Variants in CA5A observed in about 807,000 individuals in gnomAD.
The protein encoded by CA5A is carbonic anhydrase 5A, mitochondrial.
A neutral mutation model predicts 37.1 loss-of-function variants in CA5A; 28 were observed. That is an observed-to-expected ratio of 0.75 (90% CI 0.56 to 1.03). The LOEUF is 1.03. CA5A is among the 50% of genes least tolerant of loss of function. The pLI is 0.00. For missense variants in CA5A, 444 were observed against 399.9 expected (o/e 1.11, Z -0.94); for synonymous variants, 171 against 158.4 (o/e 1.08, Z -0.60).
At chr16:87,886,094 A>T (rs1209602336), downstream of CA5A, 1 of 151,988 alleles carries the variant, frequency 6.6e-6, no homozygotes, top group Non-Finnish European at 1.5e-5. Context: ...ACATCATGAA[A>T]GAGAGACAGA....
intron 2 of CA5A, among the ~76,000 whole-genome samples, chr16:87,908,123 T>C (rs1264428271): frequency 6.6e-6 from 1 of 152,196 alleles, no homozygotes; most frequent in South Asian, 2.1e-4. Context: ...GCTCTGTGTG[T>C]TACAGTGGAA....
intron 1 of CA5A, among the ~76,000 whole-genome samples, chr16:87,928,919 C>T (rs1319083347): frequency 3.3e-5 from 5 of 150,604 alleles, no homozygotes; most frequent in Non-Finnish European, 4.4e-5. Context: ...AGGCACGCGC[C>T]GCCACACCTG....
intron 6 of CA5A, among the ~76,000 whole-genome samples, chr16:87,888,611 G>C (rs1455674072): frequency 1.3e-5 from 2 of 152,166 alleles, no homozygotes; most frequent in African/African-American, 4.8e-5. Flanking sequence ...GCCAACCTTG[G>C]AATGAATCCT....
chr16:87,912,869 G>A (rs375634581), intron 2 of CA5A, among the ~76,000 whole-genome samples: 9 of 152,336 alleles, frequency 5.9e-5, no homozygotes, highest in African/African-American at 1.9e-4. Flanking sequence ...CGGAACAGGC[G>A]GAAGCACCAG....
chr16:87,902,661 C>T (rs186806002), intron 3 of CA5A, 141 bp from the exon 4 acceptor site: 10,787 of 603,870 alleles, frequency 0.018, 139 homozygotes, highest in African/African-American at 0.035. Context: ...AATCCCAGCA[C>T]TTTGGGAGGC....
rs1438513362 is a variant in CA5A at position 87,931,482 on chromosome 16, C to T, written c.143-4537G>A. 5.3e-5 allele frequency among the ~76,000 whole-genome samples: 8 copies of T among 152,290 alleles called. 1 individual carries two copies. Among genetic ancestry groups the T allele is most frequent in the Non-Finnish European group, 1.0e-4 (7 of 68,028 alleles). On this transcript the variant is annotated intron_variant, in intron 1 of 6. Transcript: ENST00000649794. Reference sequence around the variant, plus strand: ...ACACATCTGTGGGCCAAAACCCTGGCGGCTCTCCCCACTCACTCTCCGAGT... The same window carrying T: ...ACACATCTGTGGGCCAAAACCCTGGTGGCTCTCCCCACTCACTCTCCGAGT...
chr16:87,888,213 C>T lies in CA5A; in HGVS notation c.834G>A (p.Val278=). The T allele has an allele frequency of 1.9e-6, 3 of 1,613,908 alleles. No homozygotes were observed. The highest frequency in any genetic ancestry group is 1.1e-5 in the South Asian group (1 of 91,062). The part of the protein sequence containing the change: ...SALGEEEKMM[V]NNYRPLQPLM... The stretch of plus-strand genomic sequence containing the variant: ...AGGGTTGAAGTGGGCGATAGTTGTT[C>T]ACCATCATCTTCTCCTCTTCACCAA... The change falls in exon 7 of 7, where the codon GTG becomes GTA. Residue 278 remains valine, a synonymous_variant. Coordinates refer to ENST00000649794, the MANE Select transcript of CA5A (RefSeq NM_001739.2).
intron 6 of CA5A, 105 bp downstream of exon 6, chr16:87,891,694 T>C (rs537625437): frequency 1.2e-4 from 123 of 1,022,888 alleles, no homozygotes; most frequent in Non-Finnish European, 1.6e-4. Flanking sequence ...CATGAAAGAA[T>C]ATATATAACT....
At chr16:87,927,047 G>A (rs1288761012) in intron 1 of CA5A, 102 bp from the exon 2 acceptor site, 2 of 823,762 alleles carry the variant, frequency 2.4e-6, no homozygotes, top group Non-Finnish European at 3.8e-6. Context: ...CTCACGTCCT[G>A]GCTCATGGGA....
chr16:87,928,826 T>A (rs2056355356), intron 1 of CA5A, among the ~76,000 whole-genome samples: 1 of 137,596 alleles, frequency 7.3e-6, no homozygotes, highest in African/African-American at 2.7e-5. Flanking sequence ...TGCAGTGCAG[T>A]GGTGCCATCT....
intron 6 of CA5A, among the ~76,000 whole-genome samples, chr16:87,890,524 C>T (rs1185839943): frequency 6.6e-6 from 1 of 152,208 alleles, no homozygotes; most frequent in African/African-American, 2.4e-5. Flanking sequence ...GCATAGGCAG[C>T]ACGTCTGTGG....
rs374372936 is a variant in CA5A, at chr16:87,925,973, A to G, written c.340+775T>C. Among the ~76,000 whole-genome samples, 14 of 152,220 alleles carry G rather than the reference A, an allele frequency of 9.2e-5. No homozygotes were observed. In the East Asian group the frequency reaches 1.2e-3, roughly 13 times the overall value. On this transcript the variant is annotated intron_variant, in intron 2 of 6. Coordinates refer to ENST00000649794, the MANE Select transcript of CA5A (RefSeq NM_001739.2). The stretch of plus-strand genomic sequence containing the variant: ...CGCGGTGGCTCACGCCTGTAACCCC[A>G]GCACTTTGGGAGGCCAAGGTGGGCA...
In CA5A at chr16:87,902,488, G is replaced by T. The variant is rs1332970716; in HGVS notation, c.492C>A (p.Tyr164Ter). 1 of 1,609,054 alleles carries T rather than the reference G, an allele frequency of 6.2e-7. No homozygotes were observed. The highest frequency in any genetic ancestry group is 8.5e-7 in the Non-Finnish European group (1 of 1,175,430). Residue 164 changes from tyrosine to a stop codon, truncating the protein, a stop_gained, in exon 4 of 7, where the codon TAC becomes TAA. Coordinates refer to ENST00000649794, the MANE Select transcript of CA5A (RefSeq NM_001739.2). LOFTEE classifies it high-confidence loss of function. ...LHLVHWNSVK[Y>*]QNYKEAVVGE... ...CCACGACAGCTTCCTTGTAATTTTG[G>T]TATTTCACAGAATTCCAGTGAACTA...
chr16:87,890,683 T>C (rs995510714), intron 6 of CA5A, among the ~76,000 whole-genome samples: 1 of 152,216 alleles, frequency 6.6e-6, no homozygotes, highest in African/African-American at 2.4e-5. Flanking sequence ...TGGTGCCATC[T>C]CAGCTCACTG....
In CA5A at chr16:87,930,090, C is replaced by G. The variant is rs78648906; in HGVS notation, c.143-3145G>C. Among the ~76,000 whole-genome samples the G allele has an allele frequency of 3.0e-3, 450 of 152,186 alleles. 5 individuals carry two copies. The highest frequency in any genetic ancestry group is 0.01 in the African/African-American group (429 of 41,496). ...ATTTTAATTTTCTCTCTTGGTTTTT[C>G]TCTCCCCCATCAACGTGCATGGTAA... is the stretch of plus-strand genomic sequence containing the variant. On this transcript the variant is annotated intron_variant, in intron 1 of 6. Coordinates refer to ENST00000649794, the MANE Select transcript of CA5A (RefSeq NM_001739.2).
rs59358304 is a variant in CA5A, at chr16:87,915,526, A to ATTTT, written c.341-10626_341-10623dup. Among the ~76,000 whole-genome samples the ATTTT allele has an allele frequency of 2.2e-3, 159 of 73,014 alleles. 10 individuals carry two copies. Among genetic ancestry groups the ATTTT allele is most frequent in the South Asian group, 3.6e-3 (5 of 1,400 alleles). The allele number at this position is 73,014 out of a possible 152,430, so 47.9% of individuals were successfully genotyped here. A position where few individuals can be genotyped will look rare whatever the true frequency, so the allele number is the denominator to read the frequency against. On this transcript the variant is annotated intron_variant, in intron 2 of 6. Coordinates refer to ENST00000649794, the MANE Select transcript of CA5A (RefSeq NM_001739.2). The stretch of plus-strand genomic sequence containing the variant: ...CAACAGTACCAGATCCTGTGTCAAA[A>ATTTT]TTTTTTTTTTTTTTTTTTTTTTTTT...
At chr16:87,929,780 C>G (rs113629476) in intron 1 of CA5A, among the ~76,000 whole-genome samples, 1,795 of 136,386 alleles carry the variant, frequency 0.013, 41 homozygotes, top group Admixed American at 0.074. Flanking sequence ...GCTGAGGCAG[C>G]AGAATGGCGT....
intron 2 of CA5A, among the ~76,000 whole-genome samples, chr16:87,909,595 G>GA (rs1317142572): frequency 6.6e-6 from 1 of 152,216 alleles, no homozygotes; most frequent in East Asian, 1.9e-4. Flanking sequence ...CGCATTTCAG[G>GA]AAGACACAGA....
At chr16:87,897,512 T>A in intron 5 of CA5A, among the ~76,000 whole-genome samples, 1 of 122,608 alleles carries the variant, frequency 8.2e-6, no homozygotes, top group African/African-American at 3.1e-5. Flanking sequence ...GATGGGATGG[T>A]GCTGGGGGTG....
Sources: gnomAD v4.1 joint callset for allele counts (sites outside exome capture counted in the v4.1 genomes callset) on GRCh38, gnomAD v4.1.1 for gene constraint, MANE v1.5 for transcripts, NCBI Gene and HGNC (gene_info 2026-07-23, HGNC 2026-07-21) for gene names.